ADAMTSL1: variants seen among roughly 807,000 people sequenced by gnomAD.
ADAMTSL1 encodes ADAMTS-like protein 1.
ADAMTSL1 carries 126 observed loss-of-function variants against 201.8 expected under a neutral mutation model. The observed-to-expected ratio is 0.62, with a 90% CI of 0.54 to 0.72. The LOEUF (loss-of-function observed/expected upper bound fraction) is 0.72, where lower values mean the gene tolerates loss of function less well. ADAMTSL1 is among the 30% of genes least tolerant of loss of function. ADAMTSL1 has a pLI of 0.00. For synonymous variants in ADAMTSL1, 1,121 were observed against 903.4 expected (o/e 1.24, Z -4.32); for missense variants, 2,679 against 2,277.8 (o/e 1.18, Z -3.59).
At chr9:18,155,671 G>A (rs749768124) in intron 1 of ADAMTSL1, among the ~76,000 whole-genome samples, 7 of 152,002 alleles carry the variant, frequency 4.6e-5, no homozygotes, top group Non-Finnish European at 1.0e-4. Context: ...CTCCCCTTCT[G>A]TAGAGCATTA....
chr9:18,293,376 G>A (rs1022552154), intron 2 of ADAMTSL1, among the ~76,000 whole-genome samples: 1 of 152,164 alleles, frequency 6.6e-6, no homozygotes, highest in African/African-American at 2.4e-5. Context: ...GTAGTTTGGT[G>A]ACTTCTACAA....
chr9:18,131,482 G>T (rs965944422), intron 1 of ADAMTSL1, among the ~76,000 whole-genome samples: 1 of 152,164 alleles, frequency 6.6e-6, no homozygotes, highest in Non-Finnish European at 1.5e-5. Flanking sequence ...AGTCTCGTAT[G>T]ATGAGGGCAT....
chr9:17,963,055 A>G (rs1369860212), intron 1 of ADAMTSL1, among the ~76,000 whole-genome samples: 5 of 152,236 alleles, frequency 3.3e-5, no homozygotes, highest in Non-Finnish European at 5.9e-5. Flanking sequence ...TGCCCTTGAG[A>G]TAAGTAAATG....
At chr9:18,640,736 A>G (rs897484601) in intron 7 of ADAMTSL1, among the ~76,000 whole-genome samples, 6 of 151,938 alleles carry the variant, frequency 3.9e-5, no homozygotes, top group Admixed American at 6.6e-5. Flanking sequence ...TTTCCCTTCT[A>G]TATGCCACCG....
intron 4 of ADAMTSL1, among the ~76,000 whole-genome samples, chr9:18,619,540 C>CT (rs1419845081): frequency 6.6e-6 from 1 of 152,138 alleles, no homozygotes; most frequent in Admixed American, 6.5e-5. Context: ...CTAAGTCAGG[C>CT]GTCTAGCCAA....
At chr9:18,226,729 G>A (rs1371745101) in intron 2 of ADAMTSL1, among the ~76,000 whole-genome samples, 2 of 152,034 alleles carry the variant, frequency 1.3e-5, no homozygotes, top group Admixed American at 1.3e-4. Flanking sequence ...CATGGGGCCA[G>A]TTTGTCCACT....
At chr9:18,674,759 C>A (rs1187316949) in intron 9 of ADAMTSL1, among the ~76,000 whole-genome samples, 1 of 152,102 alleles carries the variant, frequency 6.6e-6, no homozygotes, top group African/African-American at 2.4e-5. Flanking sequence ...CTTCAATACC[C>A]CAAAGAGGGG....
chr9:18,340,367 G>T (rs1702589525), intron 2 of ADAMTSL1, among the ~76,000 whole-genome samples: 1 of 152,150 alleles, frequency 6.6e-6, no homozygotes. Context: ...CTGTAACCCA[G>T]ATATGTATCT....
At chr9:18,550,332 C>T (rs1007517352) in intron 3 of ADAMTSL1, among the ~76,000 whole-genome samples, 4 of 151,880 alleles carry the variant, frequency 2.6e-5, no homozygotes, top group African/African-American at 9.7e-5. Context: ...TCTAATCACA[C>T]AGACTCCTAA....
intron 1 of ADAMTSL1, among the ~76,000 whole-genome samples, chr9:18,053,277 T>C (rs1822018127): frequency 6.6e-6 from 1 of 152,138 alleles, no homozygotes; most frequent in African/African-American, 2.4e-5. Flanking sequence ...GATCTTATAA[T>C]GAGGCAAAGA....
At chr9:18,684,885 G>A (rs900570531) in intron 13 of ADAMTSL1, 85 bp downstream of exon 13, 1 of 1,501,810 alleles carries the variant, frequency 6.7e-7, no homozygotes, top group African/African-American at 1.4e-5. Context: ...AGCTTTCATG[G>A]GTTCTGAACT....
intron 2 of ADAMTSL1, among the ~76,000 whole-genome samples, chr9:18,185,705 T>C (rs1828701836): frequency 6.6e-6 from 1 of 152,142 alleles, no homozygotes; most frequent in Non-Finnish European, 1.5e-5. Flanking sequence ...CAATTTGGTA[T>C]AGAAATGAAT....
intron 2 of ADAMTSL1, among the ~76,000 whole-genome samples, chr9:18,324,924 C>T (rs1834769714): frequency 6.6e-6 from 1 of 152,126 alleles, no homozygotes; most frequent in Non-Finnish European, 1.5e-5. Context: ...AACCCAATTT[C>T]TTAAGTGGAC....
chr9:18,326,130 G>A (rs1422719460), intron 2 of ADAMTSL1, among the ~76,000 whole-genome samples: 2 of 152,134 alleles, frequency 1.3e-5, no homozygotes, highest in Admixed American at 1.3e-4. Flanking sequence ...TGTCATAGTA[G>A]GAACAACTGA....
At chr9:18,899,738 T>G (rs1436476178) in intron 26 of ADAMTSL1, among the ~76,000 whole-genome samples, 1 of 152,216 alleles carries the variant, frequency 6.6e-6, no homozygotes, top group African/African-American at 2.4e-5. Flanking sequence ...GCTAGCTGTA[T>G]GCAGAAAATT....
At chr9:18,361,152 A>G (rs745426353) in intron 2 of ADAMTSL1, among the ~76,000 whole-genome samples, 1 of 152,194 alleles carries the variant, frequency 6.6e-6, no homozygotes, top group African/African-American at 2.4e-5. Flanking sequence ...ATTTTACAGC[A>G]GTATGTGAAT....
rs560209477 is a variant in ADAMTSL1 at position 18,557,220 on chromosome 9, G to A, written c.238-16810G>A. 2.0e-5 allele frequency among the ~76,000 whole-genome samples: 3 copies of A among 151,966 alleles called. No homozygotes were observed. The East Asian group carries it at 5.8e-4, about 29-fold the overall frequency. ...AAGAGAACACCCTGTCTCTTGCCAA[G>A]AAGATTTGCATTAATGGTCAGGGTT... On this transcript the variant is annotated intron_variant, in intron 3 of 28. Transcript: ENST00000380548.
chr9:18,610,241 A>G lies in ADAMTSL1; in HGVS notation c.475-12002A>G, dbSNP rs1825288835. On this transcript the variant is annotated intron_variant, in intron 4 of 28. Coordinates refer to ENST00000380548, the MANE Select transcript of ADAMTSL1 (RefSeq NM_001040272.6). ...TCTATTTGTTCTGTGACAGAGTAAA[A>G]ATTATATTTTCTTAGCAGAAGAAAT... is the stretch of plus-strand genomic sequence containing the variant. Among the ~76,000 whole-genome samples, 3 of 152,190 alleles carry G rather than the reference A, an allele frequency of 2.0e-5. No homozygotes were observed. The South Asian group carries it at 6.2e-4, about 31-fold the overall frequency.
intron 2 of ADAMTSL1, among the ~76,000 whole-genome samples, chr9:18,199,355 T>C (rs1208456754): frequency 6.6e-6 from 1 of 152,016 alleles, no homozygotes; most frequent in Admixed American, 6.6e-5. Context: ...ATTTTGAAAA[T>C]AAAAATAAAA....
Sources: gnomAD v4.1 joint callset for allele counts (sites outside exome capture counted in the v4.1 genomes callset) on GRCh38, gnomAD v4.1.1 for gene constraint, MANE v1.5 for transcripts, NCBI Gene and HGNC (gene_info 2026-07-23, HGNC 2026-07-21) for gene names.